The following TMC6 variants were observed in gnomAD, a reference collection of about 807,000 sequenced individuals.
TMC6 encodes transmembrane channel like 6.
Under a neutral mutation model 95.4 loss-of-function variants are expected in TMC6, and 71 were observed. The ratio of observed to expected loss-of-function variants is 0.74; its 90% CI spans 0.61 to 0.91. The LOEUF is 0.91. TMC6 is among the 40% of genes least tolerant of loss of function. The pLI is 0.00. For missense variants in TMC6, 1,074 were observed against 1,079.1 expected (o/e 1.00, Z 0.07); for synonymous variants, 514 against 483.1 (o/e 1.06, Z -0.84).
At chr17:78,130,182 C>T (rs1054247068), upstream of TMC6, among the ~76,000 whole-genome samples, 26 of 152,210 alleles carry the variant, frequency 1.7e-4, no homozygotes, top group African/African-American at 5.8e-4. Context: ...CACTTACTAC[C>T]GGCCAGGTGC....
At chr17:78,125,612 GGA>G in intron 5 of TMC6, 112 bp downstream of exon 5, 1 of 1,466,226 alleles carries the variant, frequency 6.8e-7, no homozygotes, top group Non-Finnish European at 9.1e-7. Flanking sequence ...CTAAGGGATA[GGA>G]GAGGGGCCTC....
Position 78,119,353 on chromosome 17 carries a change from C to G in TMC6, c.1755G>C (p.Pro585=). The G allele has an allele frequency of 6.2e-7, 1 of 1,614,034 alleles. No homozygotes were observed. The highest frequency in any genetic ancestry group is 8.5e-7 in the Non-Finnish European group (1 of 1,180,016). ...SEKKLKRRRK[P]EFDIARNVLE... is the part of the protein sequence containing the mutation. ...GGACATTCCGGGCAATGTCAAACTC[C>G]GGCTTCCGCCTCCTCTTCAGCTTCT... is the stretch of plus-strand genomic sequence containing the variant. The change falls in exon 14 of 20, where the codon CCG becomes CCC. Residue 585 remains proline (P), a synonymous_variant. Coordinates refer to ENST00000590602, the MANE Select transcript of TMC6 (RefSeq NM_001127198.5).
At position 78,126,610 on chromosome 17, in the gene TMC6, T is replaced by C; in HGVS notation, c.95A>G (p.Asp32Gly). ...CTCCTGGATGAGCTGCTGGAAGGAGTCGTGCACTTCGCTTTCATCATAGGG... is the reference window on the plus strand; with the variant it reads ...CTCCTGGATGAGCTGCTGGAAGGAGCCGTGCACTTCGCTTTCATCATAGGG... ...PSPYDESEVH[D>G]SFQQLIQEQS... is the part of the protein sequence containing the mutation. Residue 32 changes from aspartate to glycine, a missense_variant, in exon 3 of 20, where the codon GAC becomes GGC. Physicochemically the swap from Asp to Gly is moderately conservative, Grantham distance 94. Coordinates refer to ENST00000590602, the MANE Select transcript of TMC6 (RefSeq NM_001127198.5). 1 of 1,613,086 alleles carries C rather than the reference T, an allele frequency of 6.2e-7. No individual in the cohort carries two copies.
Position 78,121,260 on chromosome 17 carries a change from C to A in TMC6, c.1384-96G>T. On this transcript the variant is annotated intron_variant, in intron 11 of 19. Transcript: ENST00000590602. The surrounding 1 kb of genome is among the most constrained non-coding windows in gnomAD (Gnocchi z 5.6). ...GGCCCGGGGTGGAACTGGCAGGTAG[C>A]ACCTCCCTCCTCCAAGATCTGGCCC... 6.6e-7 allele frequency: 1 copy of A among 1,520,328 alleles called. No individual in the cohort carries two copies. The highest frequency in any genetic ancestry group is 1.2e-5 in the South Asian group (1 of 83,390). The allele number at this position is 1,520,328 out of a possible 1,614,324, so 94.2% of individuals were successfully genotyped here.
At chr17:78,124,356 T>C in intron 8 of TMC6, 168 bp downstream of exon 8, 1 of 1,340,336 alleles carries the variant, frequency 7.5e-7, no homozygotes, top group South Asian at 1.3e-5. Flanking sequence ...CCCAGCACGA[T>C]GAGCATCCAG....
upstream of TMC6, chr17:78,132,128 C>G (rs189348567): frequency 2.5e-3 from 3,795 of 1,516,474 alleles, 82 homozygotes; most frequent in African/African-American, 0.045. Flanking sequence ...TGCCTTCACC[C>G]GGGTCCCCCG....
In TMC6 at chr17:78,116,716, A is replaced by T. The variant is rs546004546; in HGVS notation, c.2277+553T>A. Among the ~76,000 whole-genome samples, 3 of 152,250 alleles carry T rather than the reference A, an allele frequency of 2.0e-5. No individual in the cohort carries two copies. The South Asian group carries it at 6.2e-4, about 32-fold the overall frequency. On this transcript the variant is annotated intron_variant, in intron 18 of 19. Transcript: ENST00000590602. ...GGCAACACAGTGAAACTGCATCTGT[A>T]CGAAAAACACAAAAAAGTAGCCGGA...
chr17:78,118,171 C>G (rs1471112911), intron 15 of TMC6: 1 of 638,400 alleles, frequency 1.6e-6, no homozygotes, highest in Admixed American at 2.9e-5. Flanking sequence ...ATGCCAGGCT[C>G]TGCACACAAC....
chr17:78,114,549 G>C (rs1224469461), intron 18 of TMC6, among the ~76,000 whole-genome samples: 1 of 151,984 alleles, frequency 6.6e-6, no homozygotes, highest in African/African-American at 2.4e-5. Flanking sequence ...CAAAGGATCT[G>C]GTGCACCGAA....
At chr17:78,114,640 C>T (rs1465072844) in intron 18 of TMC6, among the ~76,000 whole-genome samples, 1 of 150,580 alleles carries the variant, frequency 6.6e-6, no homozygotes, top group Non-Finnish European at 1.5e-5. Context: ...TGTCAAGAGC[C>T]ACACGGATTG....
At chr17:78,132,406 C>T (rs749067644), upstream of TMC6, 2 of 1,613,026 alleles carry the variant, frequency 1.2e-6, no homozygotes, top group Non-Finnish European at 1.7e-6. Context: ...CCTCCGCTTC[C>T]TGCTGCTACT....
Position 78,112,981 on chromosome 17 carries a change from G to T in TMC6, c.*167C>A. The T allele has an allele frequency of 1.4e-6, 1 of 721,848 alleles. No homozygotes were observed. 44.7% of individuals were successfully genotyped at this position (721,848 alleles called of 1,614,324 possible). ...CCCAGGCAGGGCAGAGTTCATTGGG[G>T]ATGCCCAAGCCGGATTCACCCACCC... is the stretch of plus-strand genomic sequence containing the variant. On this transcript the variant is annotated 3_prime_UTR_variant, in exon 20 of 20. Coordinates refer to ENST00000590602, the MANE Select transcript of TMC6 (RefSeq NM_001127198.5).
chr17:78,131,601 C>T (rs1173669183), upstream of TMC6: 9 of 1,546,928 alleles, frequency 5.8e-6, no homozygotes, highest in African/African-American at 1.4e-5. Context: ...GCTGCTGCCG[C>T]GGTCGGTGTC....
chr17:78,131,999 G>A (rs1488855413), upstream of TMC6: 1 of 1,531,984 alleles, frequency 6.5e-7, no homozygotes, highest in African/African-American at 1.4e-5. Context: ...GGGGCCTTGG[G>A]CTCTGGGAGG....
chr17:78,115,202 C>T (rs563339156), intron 18 of TMC6, among the ~76,000 whole-genome samples: 8 of 152,354 alleles, frequency 5.3e-5, no homozygotes, highest in Admixed American at 3.3e-4. Flanking sequence ...GACGAGCTGC[C>T]TGGAGCCCTG....
chr17:78,121,207 A>G lies in TMC6; in HGVS notation c.1384-43T>C. 3 of 1,553,004 alleles carry G rather than the reference A, an allele frequency of 1.9e-6. No individual in the cohort carries two copies. Among genetic ancestry groups the G allele is most frequent in the Non-Finnish European group, 2.6e-6 (3 of 1,150,700 alleles). ...GCGGTGTCATGGAAGCCCCCCATCC[A>G]TGGTGGGAGCGGGCAGCTACAGGGA... On this transcript the variant is annotated intron_variant, in intron 11 of 19. Coordinates refer to ENST00000590602, the MANE Select transcript of TMC6 (RefSeq NM_001127198.5). This position sits in a 1 kb window ranked among gnomAD's most constrained non-coding sequence, Gnocchi z 5.6.
rs2073986950 is a variant in TMC6 at position 78,114,992 on chromosome 17, GGC to G, written c.2278-1370_2278-1369del. 4.6e-5 allele frequency among the ~76,000 whole-genome samples: 7 copies of G among 152,364 alleles called. No individual in the cohort carries two copies. In the South Asian group the frequency reaches 1.0e-3, roughly 23 times the overall value. ...CACCTGGCCCTACCTGGCCCCTGGGGGCTCTGAAATGCCACCCAGTAGGGCAG... is the reference window on the plus strand; with the variant it reads ...CACCTGGCCCTACCTGGCCCCTGGGGTCTGAAATGCCACCCAGTAGGGCAG... On this transcript the variant is annotated intron_variant, in intron 18 of 19. Coordinates refer to ENST00000590602, the MANE Select transcript of TMC6 (RefSeq NM_001127198.5).
At chr17:78,123,890 G>C in intron 9 of TMC6, 99 bp downstream of exon 9, 1 of 1,496,542 alleles carries the variant, frequency 6.7e-7, no homozygotes, top group Non-Finnish European at 9.2e-7. Flanking sequence ...TAGATGGACA[G>C]AAGGAAGAAA....
intron 9 of TMC6, among the ~76,000 whole-genome samples, chr17:78,123,581 GTGAA>G (rs2074528286): frequency 7.1e-6 from 1 of 140,902 alleles, no homozygotes; most frequent in Admixed American, 7.2e-5. Context: ...GGGTGAATGT[GTGAA>G]TGGATGGATG....
Sources: gnomAD v4.1 joint callset for allele counts (sites outside exome capture counted in the v4.1 genomes callset) on GRCh38, gnomAD v4.1.1 for gene constraint, Gnocchi (gnomAD v3.1) non-coding constraint, MANE v1.5 for transcripts, NCBI Gene and HGNC (gene_info 2026-07-23, HGNC 2026-07-21) for gene names.